Variants in PLCXD1 observed in about 807,000 individuals in gnomAD.
PLCXD1 encodes PI-PLC X domain-containing protein 1.
A neutral mutation model predicts 37.8 loss-of-function variants in PLCXD1; 45 were observed. The ratio of observed to expected loss-of-function variants is 1.19; its 90% CI spans 0.94 to 1.53. The LOEUF is 1.53. Ranked by LOEUF, PLCXD1 falls within the 40% of genes most tolerant of loss-of-function variation. The pLI is 0.00. For synonymous variants in PLCXD1, 246 were observed against 206.9 expected (o/e 1.19, Z -1.62); for missense variants, 539 against 454.7 (o/e 1.19, Z -1.69).
intron 6 of PLCXD1, among the ~76,000 whole-genome samples, chrX:295,945 A>G (rs28670552): frequency 0.63 from 95,392 of 151,040 alleles, 30,698 homozygotes; most frequent in Non-Finnish European, 0.7. Flanking sequence ...GGTTCGAGCA[A>G]TTCTCCCGCC....
At chrX:292,855 C>T (rs2069679388) in intron 5 of PLCXD1, among the ~76,000 whole-genome samples, 180 bp from the exon 6 acceptor site, 1 of 152,070 alleles carries the variant, frequency 6.6e-6, no homozygotes, top group Non-Finnish European at 1.5e-5. Flanking sequence ...TCAGGTGATC[C>T]ACCCACCTCG....
At chrX:282,868 T>C (rs568828590) in intron 1 of PLCXD1, among the ~76,000 whole-genome samples, 1 of 142,726 alleles carries the variant, frequency 7.0e-6, no homozygotes, top group South Asian at 2.2e-4. Flanking sequence ...GATGTATATA[T>C]GTATATATGT....
upstream of PLCXD1, among the ~76,000 whole-genome samples, chrX:276,953 TCACCCCGCCTGGCGGGTCAC>T (rs1418668850): frequency 1.1e-4 from 16 of 152,222 alleles, no homozygotes; most frequent in African/African-American, 3.9e-4. Flanking sequence ...TGTAGGTGTC[TCACCCCGCCTGGCGGGTCAC>T]CGGGCGTCTG....
At chrX:286,256 G>A (rs1382374602) in intron 2 of PLCXD1, among the ~76,000 whole-genome samples, 2 of 152,016 alleles carry the variant, frequency 1.3e-5, no homozygotes, top group Non-Finnish European at 2.9e-5. Flanking sequence ...GCAGAGATGG[G>A]GTTTCACCAT....
chrX:294,154 A>G (rs2069725035), intron 6 of PLCXD1, among the ~76,000 whole-genome samples: 1 of 152,110 alleles, frequency 6.6e-6, no homozygotes, highest in Non-Finnish European at 1.5e-5. Flanking sequence ...CCTGGCCAAC[A>G]TGGCGAAACC....
rs2069971417 is a variant in PLCXD1 at position 300,460 on chromosome X, ATATGTGTGTGTGTGTGTGTATATGTGTG to A, written c.*1135_*1162del. The stretch of plus-strand genomic sequence containing the variant: ...TATGTATGTATGTTTATACATGTGT[ATATGTGTGTGTGTGTGTGTATATGTGTG>A]TATGTGTGTATATATGTATATGTGT... On this transcript the variant is annotated 3_prime_UTR_variant, in exon 7 of 7. Transcript: ENST00000381657. 1 of 123,826 alleles carries A rather than the reference ATATGTGTGTGTGTGTGTGTATATGTGTG, an allele frequency of 8.1e-6. No homozygotes were observed. The highest frequency in any genetic ancestry group is 3.1e-5 in the African/African-American group (1 of 31,850). 7.7% of individuals were successfully genotyped at this position (123,826 alleles called of 1,614,324 possible).
Position 286,535 on chromosome X carries a change from G to A in PLCXD1, c.128-2198G>A, listed in dbSNP as rs764443777. On this transcript the variant is annotated intron_variant, in intron 2 of 6. Coordinates refer to ENST00000381657, the MANE Select transcript of PLCXD1 (RefSeq NM_018390.4). ...GAGCTTCGGCAGACTCACATCTTAA[G>A]AGCCGAGCTCCTTAAAAAAGAAATT... 2.6e-5 allele frequency among the ~76,000 whole-genome samples: 4 copies of A among 152,224 alleles called. No homozygotes were observed. The East Asian group carries it at 7.7e-4, about 29-fold the overall frequency.
At chrX:286,589 G>A (rs151287264) in intron 2 of PLCXD1, among the ~76,000 whole-genome samples, 15,520 of 152,140 alleles carry the variant, frequency 0.1, 1,665 homozygotes, top group African/African-American at 0.27. Context: ...TTACAACTCT[G>A]AGGGGTCCAC....
In PLCXD1 at chrX:295,168, TG is replaced by T. The variant is rs1293305326; in HGVS notation, c.733+1953del. 1.4e-3 allele frequency among the ~76,000 whole-genome samples: 202 copies of T among 149,182 alleles called. 1 individual carries two copies. The highest frequency in any genetic ancestry group is 4.8e-3 in the African/African-American group (194 of 40,028). The stretch of plus-strand genomic sequence containing the variant: ...TGGGCAACAGAGCGAGACTCCATCT[TG>T]GGAAAAAAAAAAAAAGGTAACTTTT... On this transcript the variant is annotated intron_variant, in intron 6 of 6. Transcript: ENST00000381657.
chrX:291,079 G>C (rs934966342), intron 4 of PLCXD1, among the ~76,000 whole-genome samples: 4 of 151,946 alleles, frequency 2.6e-5, no homozygotes, highest in South Asian at 4.2e-4. Context: ...TAATGGAAGG[G>C]TGACGTCACC....
At chrX:283,984 C>T (rs1234650976) in intron 1 of PLCXD1, 183 bp from the exon 2 acceptor site, 7 of 565,024 alleles carry the variant, frequency 1.2e-5, no homozygotes, top group South Asian at 1.0e-4. Context: ...CGGGTTCAAG[C>T]GATTCTCCTG....
At position 290,696 on chromosome X, in the gene PLCXD1, CTGCGGATAGCCCACATGCTGGA is replaced by C. The variant is rs1277004370; in HGVS notation, c.314_335del (p.Leu105ArgfsTer48). On this transcript the variant is annotated frameshift_variant, in exon 4 of 7. Transcript: ENST00000381657. LOFTEE classifies it high-confidence loss of function. Reference sequence around the variant, plus strand: ...GGATGCCGGGGTGCGGTACCTGGACCTGCGGATAGCCCACATGCTGGAGGGCTCGGAGAAGAACCTGCACTTT... The same window carrying C: ...GGATGCCGGGGTGCGGTACCTGGACCGGGCTCGGAGAAGAACCTGCACTTT... The C allele has an allele frequency of 1.2e-6, 2 of 1,613,736 alleles. No homozygotes were observed. The highest frequency in any genetic ancestry group is 1.7e-6 in the Non-Finnish European group (2 of 1,179,712).
At position 299,398 on chromosome X, in the gene PLCXD1, G is replaced by A; in HGVS notation, c.*63G>A. ...TTTCACCCCCGAATTTCCAAGTATT[G>A]TGACTTTGTTTGGGCCAAATGTTGG... On this transcript the variant is annotated 3_prime_UTR_variant, in exon 7 of 7. Transcript: ENST00000381657. 1.7e-6 allele frequency: 2 copies of A among 1,206,262 alleles called. No homozygotes were observed. The highest frequency in any genetic ancestry group is 2.4e-5 in the South Asian group (2 of 82,838). The allele number at this position is 1,206,262 out of a possible 1,614,324, so 74.7% of individuals were successfully genotyped here.
At chrX:278,348 T>G (rs1206288145), upstream of PLCXD1, among the ~76,000 whole-genome samples, 1 of 152,054 alleles carries the variant, frequency 6.6e-6, no homozygotes, top group East Asian at 1.9e-4. Flanking sequence ...AGGATGTGAG[T>G]GTACAGCTTT....
At chrX:281,962 G>A (rs1314485746) in intron 1 of PLCXD1, among the ~76,000 whole-genome samples, 1 of 151,858 alleles carries the variant, frequency 6.6e-6, no homozygotes, top group African/African-American at 2.4e-5. Context: ...TGGCCAGGCT[G>A]GTCTCGAACC....
At chrX:296,653 G>A (rs1194299358) in intron 6 of PLCXD1, among the ~76,000 whole-genome samples, 1 of 152,206 alleles carries the variant, frequency 6.6e-6, no homozygotes, top group African/African-American at 2.4e-5. Context: ...AGAATCACTG[G>A]TCAACGTCAA....
At chrX:282,703 C>CA (rs34034222) in intron 1 of PLCXD1, among the ~76,000 whole-genome samples, 34,773 of 109,226 alleles carry the variant, frequency 0.32, 4,606 homozygotes, top group African/African-American at 0.34. Flanking sequence ...GAAACTGTGT[C>CA]AAAAAAAAAA....
Position 299,298 on chromosome X carries a change from A to G in PLCXD1, c.935A>G (p.Asp312Gly). 6.2e-7 allele frequency: 1 copy of G among 1,613,764 alleles called. No individual in the cohort carries two copies. Among genetic ancestry groups the G allele is most frequent in the Non-Finnish European group, 8.5e-7 (1 of 1,179,766 alleles). Reference protein sequence around the residue: ...DFIGADGFVSDVIALNQKLLW... With the variant: ...DFIGADGFVSGVIALNQKLLW... The stretch of plus-strand genomic sequence containing the variant: ...ATCGGCGCAGACGGCTTCGTCAGTG[A>G]CGTCATCGCGCTCAATCAGAAGCTG... Residue 312 changes from aspartate to glycine, a missense_variant, in exon 7 of 7, where the codon GAC (aspartate) becomes GGC (glycine). Asp to Gly is a moderately conservative substitution (Grantham distance 94). Coordinates refer to ENST00000381657, the MANE Select transcript of PLCXD1 (RefSeq NM_018390.4).
chrX:299,687 A>G lies in PLCXD1; in HGVS notation c.*352A>G, dbSNP rs111549652. The G allele has an allele frequency of 0.07, 26,961 of 384,008 alleles. 1,079 individuals are homozygous for G. The highest frequency in any genetic ancestry group is 0.12 in the Middle Eastern group (148 of 1,280). The allele number at this position is 384,008 out of a possible 1,614,324, so 23.8% of individuals were successfully genotyped here. On this transcript the variant is annotated 3_prime_UTR_variant, in exon 7 of 7. Coordinates refer to ENST00000381657, the MANE Select transcript of PLCXD1 (RefSeq NM_018390.4). Reference sequence around the variant, plus strand: ...CAGGAGAACTGCTTGAAGCCGGGAGATGGAGGTTGCATTGAGCTGACATCG... The same window carrying G: ...CAGGAGAACTGCTTGAAGCCGGGAGGTGGAGGTTGCATTGAGCTGACATCG...
Sources: allele counts gnomAD v4.1 joint callset (sites outside exome capture counted in the v4.1 genomes callset), GRCh38; gene constraint gnomAD v4.1.1; transcripts MANE v1.5; gene names NCBI Gene and HGNC (gene_info 2026-07-23, HGNC 2026-07-21).